RNGTT: variants seen among roughly 807,000 people sequenced by gnomAD.
The protein encoded by RNGTT is mRNA-capping enzyme.
Under a neutral mutation model 79.3 loss-of-function variants are expected in RNGTT, and 33 were observed. The observed-to-expected ratio is 0.42, with a 90% CI of 0.32 to 0.56. The LOEUF is 0.56. RNGTT is among the 20% of genes least tolerant of loss of function. The probability of loss-of-function intolerance (pLI) is 0.17; values close to 1 mark genes in which losing one functional copy is unlikely to be tolerated. For missense variants in RNGTT, 497 were observed against 739.1 expected (o/e 0.67, Z 3.80); for synonymous variants, 222 against 235.9 (o/e 0.94, Z 0.54).
At chr6:88,720,163 T>A (rs1278113413) in intron 13 of RNGTT, among the ~76,000 whole-genome samples, 1 of 152,164 alleles carries the variant, frequency 6.6e-6, no homozygotes, top group Non-Finnish European at 1.5e-5. Context: ...AATGGTGCCA[T>A]TAATTAGATA....
At position 88,885,944 on chromosome 6, in the gene RNGTT, G is replaced by A. The variant is rs1782841700; in HGVS notation, c.896+4551C>T. 2.6e-5 allele frequency among the ~76,000 whole-genome samples: 4 copies of A among 152,134 alleles called. No homozygotes were observed. In the South Asian group the frequency reaches 8.3e-4, roughly 32 times the overall value. Reference sequence around the variant, plus strand: ...GAAACATCAAACAAACTCAATCTGAGAGACAAGCTACAAGATAACTGGCCA... The same window carrying A: ...GAAACATCAAACAAACTCAATCTGAAAGACAAGCTACAAGATAACTGGCCA... On this transcript the variant is annotated intron_variant, in intron 8 of 15. Coordinates refer to ENST00000369485, the MANE Select transcript of RNGTT (RefSeq NM_003800.5).
chr6:88,835,712 A>G (rs1481983321), intron 11 of RNGTT, among the ~76,000 whole-genome samples: 1 of 152,156 alleles, frequency 6.6e-6, no homozygotes, highest in Non-Finnish European at 1.5e-5. Context: ...TTTGGTACAA[A>G]CTTTCCAAAA....
intron 14 of RNGTT, among the ~76,000 whole-genome samples, chr6:88,616,262 A>T (rs551976677): frequency 4.3e-4 from 66 of 152,348 alleles, no homozygotes; most frequent in African/African-American, 1.5e-3. Context: ...GTCAATGGAC[A>T]CGTGGGCTGC....
chr6:88,641,111 C>T (rs774493889), intron 14 of RNGTT, among the ~76,000 whole-genome samples: 7 of 152,016 alleles, frequency 4.6e-5, no homozygotes, highest in Non-Finnish European at 8.8e-5. Flanking sequence ...GAGGCCAAGG[C>T]GGGTGGATCA....
At chr6:88,937,882 A>G (rs868241024) in intron 2 of RNGTT, among the ~76,000 whole-genome samples, 3 of 152,064 alleles carry the variant, frequency 2.0e-5, no homozygotes, top group Non-Finnish European at 4.4e-5. Context: ...CTTTTCTACC[A>G]TTGTGGTCTA....
chr6:88,703,990 T>C (rs1223559089), intron 13 of RNGTT, among the ~76,000 whole-genome samples: 1 of 152,130 alleles, frequency 6.6e-6, no homozygotes, highest in Non-Finnish European at 1.5e-5. Context: ...CCGGGTGCGG[T>C]GGCTCACGCC....
At chr6:88,672,717 C>CA (rs1191832917) in intron 14 of RNGTT, among the ~76,000 whole-genome samples, 2 of 151,950 alleles carry the variant, frequency 1.3e-5, no homozygotes, top group Admixed American at 6.6e-5. Context: ...AATAATTTTT[C>CA]AAAAAAAGTT....
intron 7 of RNGTT, 29 bp downstream of exon 7, chr6:88,891,777 T>G: frequency 7.1e-7 from 1 of 1,414,998 alleles, no homozygotes; most frequent in Non-Finnish European, 9.5e-7. Flanking sequence ...AGAGCAAATT[T>G]TATTTAAAAA....
chr6:88,873,424 T>C (rs1366148369), intron 8 of RNGTT, among the ~76,000 whole-genome samples: 2 of 152,180 alleles, frequency 1.3e-5, no homozygotes, highest in African/African-American at 2.4e-5. Flanking sequence ...CAAGAATGTA[T>C]GTACTATTGA....
chr6:88,863,133 A>G (rs1169817517), intron 8 of RNGTT, among the ~76,000 whole-genome samples: 1 of 152,218 alleles, frequency 6.6e-6, no homozygotes, highest in Non-Finnish European at 1.5e-5. Flanking sequence ...GTATTATTTA[A>G]TTTTAAATTG....
chr6:88,883,817 T>C (rs1371162875), intron 8 of RNGTT, among the ~76,000 whole-genome samples: 1 of 152,092 alleles, frequency 6.6e-6, no homozygotes, highest in Non-Finnish European at 1.5e-5. Flanking sequence ...AAATTTTGTA[T>C]GGCAAAAAAA....
intron 12 of RNGTT, among the ~76,000 whole-genome samples, chr6:88,800,282 G>T (rs1020198634): frequency 1.3e-4 from 20 of 152,138 alleles, no homozygotes; most frequent in African/African-American, 4.6e-4. Context: ...TAACAGTTGA[G>T]CATCCCTAAT....
At chr6:88,732,193 A>G (rs1214178601) in intron 13 of RNGTT, among the ~76,000 whole-genome samples, 2 of 152,166 alleles carry the variant, frequency 1.3e-5, no homozygotes, top group African/African-American at 4.8e-5. Flanking sequence ...CAGCAATAAC[A>G]AAAAACCTGA....
At chr6:88,659,171 T>C (rs1582290653) in intron 14 of RNGTT, among the ~76,000 whole-genome samples, 1 of 152,168 alleles carries the variant, frequency 6.6e-6, no homozygotes, top group African/African-American at 2.4e-5. Context: ...TCCAGATCTA[T>C]CCACTGAAAC....
At chr6:88,801,855 AC>A (rs1779798271) in intron 11 of RNGTT, among the ~76,000 whole-genome samples, 1 of 151,622 alleles carries the variant, frequency 6.6e-6, no homozygotes, top group South Asian at 2.1e-4. Context: ...ACACACACAC[AC>A]ACAAATTTCC....
intron 13 of RNGTT, among the ~76,000 whole-genome samples, chr6:88,710,010 GT>G (rs1240979869): frequency 6.6e-6 from 1 of 152,146 alleles, no homozygotes; most frequent in African/African-American, 2.4e-5. Flanking sequence ...GAAAGATTTT[GT>G]TTTTCTCTTA....
chr6:88,805,720 A>C (rs767843667), intron 11 of RNGTT, among the ~76,000 whole-genome samples: 23 of 152,022 alleles, frequency 1.5e-4, no homozygotes, highest in Non-Finnish European at 3.1e-4. Context: ...AAAAACTAAG[A>C]AAACTCCACA....
At position 88,789,538 on chromosome 6, in the gene RNGTT, C is replaced by T. The variant is rs545479390; in HGVS notation, c.1338+12026G>A. 2.4e-4 allele frequency among the ~76,000 whole-genome samples: 36 copies of T among 152,210 alleles called. No individual in the cohort carries two copies. In the South Asian group the frequency reaches 3.3e-3, roughly 14 times the overall value. ...TTGCACCACTGCACTACAGCCTGGGCGACAAAGCAAGACTCTGTCTCAAAT... is the reference window on the plus strand; with the variant it reads ...TTGCACCACTGCACTACAGCCTGGGTGACAAAGCAAGACTCTGTCTCAAAT... On this transcript the variant is annotated intron_variant, in intron 12 of 15. Transcript: ENST00000369485.
intron 12 of RNGTT, among the ~76,000 whole-genome samples, chr6:88,797,818 G>A (rs1441101468): frequency 6.6e-6 from 1 of 151,732 alleles, no homozygotes; most frequent in Non-Finnish European, 1.5e-5. Flanking sequence ...GGGGTGTGGA[G>A]GGGGTTAGTG....
Sources: allele counts gnomAD v4.1 joint callset (sites outside exome capture counted in the v4.1 genomes callset), GRCh38; gene constraint gnomAD v4.1.1; transcripts MANE v1.5; gene names NCBI Gene and HGNC (gene_info 2026-07-23, HGNC 2026-07-21).